The following GMDS variants were observed in gnomAD, a reference collection of about 807,000 sequenced individuals.
GMDS encodes GDP-mannose 4,6 dehydratase.
Under a neutral mutation model 49.9 loss-of-function variants are expected in GMDS, and 20 were observed. The ratio of observed to expected loss-of-function variants is 0.40; its 90% CI spans 0.28 to 0.58. The LOEUF (loss-of-function observed/expected upper bound fraction) is 0.58. GMDS is among the 20% of genes least tolerant of loss of function. The probability of loss-of-function intolerance (pLI) is 0.42; values close to 1 mark genes in which losing one functional copy is unlikely to be tolerated. For missense variants in GMDS, 362 were observed against 481.4 expected, an observed-to-expected ratio of 0.75 and a Z score of 2.32; for synonymous variants, 177 against 178.6, an observed-to-expected ratio of 0.99 and a Z score of 0.07.
chr6:2,107,120 T>C (rs1477684174), intron 4 of GMDS, among the ~76,000 whole-genome samples: 1 of 152,214 alleles, frequency 6.6e-6, no homozygotes, highest in Non-Finnish European at 1.5e-5. Flanking sequence ...CATAGCTTTG[T>C]GTGGTCCACT....
chr6:2,120,869 T>C (rs1189111240), intron 2 of GMDS, among the ~76,000 whole-genome samples: 1 of 152,172 alleles, frequency 6.6e-6, no homozygotes, highest in African/African-American at 2.4e-5. Flanking sequence ...TGAATCCAAC[T>C]AAAGAGCCTA....
intron 7 of GMDS, among the ~76,000 whole-genome samples, chr6:1,917,400 T>C (rs2113894753): frequency 6.6e-6 from 1 of 152,244 alleles, no homozygotes; most frequent in South Asian, 2.1e-4. Context: ...CCTTTTCCTA[T>C]GAAAATGACA....
intron 7 of GMDS, among the ~76,000 whole-genome samples, chr6:1,815,953 A>G (rs1444021777): frequency 1.3e-5 from 2 of 152,244 alleles, no homozygotes; most frequent in Non-Finnish European, 2.9e-5. Context: ...CTGGGAATAG[A>G]AAGTCTTCAT....
At chr6:1,904,345 A>T (rs1254886165) in intron 7 of GMDS, among the ~76,000 whole-genome samples, 1 of 152,124 alleles carries the variant, frequency 6.6e-6, no homozygotes, top group East Asian at 1.9e-4. Flanking sequence ...CAGGACTCTC[A>T]TTTGCATTCG....
chr6:2,141,732 T>A (rs1743438868), intron 1 of GMDS, among the ~76,000 whole-genome samples: 1 of 152,206 alleles, frequency 6.6e-6, no homozygotes, highest in African/African-American at 2.4e-5. Context: ...AGCCACATTC[T>A]AAATACAGCA....
chr6:1,873,026 G>A (rs954461775), intron 7 of GMDS, among the ~76,000 whole-genome samples: 2 of 152,154 alleles, frequency 1.3e-5, no homozygotes, highest in Non-Finnish European at 2.9e-5. Flanking sequence ...CCACTCTTTC[G>A]TCAGTCTGCG....
intron 7 of GMDS, among the ~76,000 whole-genome samples, chr6:1,924,116 C>A (rs1761870117): frequency 4.6e-5 from 7 of 152,220 alleles, no homozygotes; most frequent in Admixed American, 4.6e-4. Context: ...GCTGTCTCAG[C>A]CAGACTCTTT....
rs151210423 is a variant in GMDS at position 2,036,479 on chromosome 6, A to T, written c.346-75513T>A. On this transcript the variant is annotated intron_variant, in intron 4 of 10. Coordinates refer to ENST00000380815, the MANE Select transcript of GMDS (RefSeq NM_001500.4). ...CACCTAGTAATCAATGCTTCTTCCC[A>T]GGAAGGTCTGTCCCAGGGATCACTT... Among the ~76,000 whole-genome samples, 55 of 152,302 alleles carry T rather than the reference A, an allele frequency of 3.6e-4. No homozygotes were observed. In the East Asian group the frequency reaches 0.01, roughly 28 times the overall value.
chr6:2,074,162 T>C (rs746666000), intron 4 of GMDS, among the ~76,000 whole-genome samples: 2 of 152,314 alleles, frequency 1.3e-5, no homozygotes, highest in East Asian at 3.9e-4. Context: ...CTTTCCTCTA[T>C]ATCCTTGCCA....
intron 1 of GMDS, among the ~76,000 whole-genome samples, chr6:2,139,433 A>T (rs930170043): frequency 6.6e-6 from 1 of 152,234 alleles, no homozygotes; most frequent in South Asian, 2.1e-4. Flanking sequence ...TATATCGTGC[A>T]CTGCTTCCAT....
At chr6:1,991,380 A>C (rs896169116) in intron 4 of GMDS, among the ~76,000 whole-genome samples, 10 of 151,992 alleles carry the variant, frequency 6.6e-5, no homozygotes, top group Admixed American at 6.6e-4. Flanking sequence ...TACTCCCCAC[A>C]TCGTCACCCA....
intron 7 of GMDS, among the ~76,000 whole-genome samples, chr6:1,819,820 A>G (rs1017074484): frequency 4.7e-5 from 7 of 148,878 alleles, no homozygotes; most frequent in African/African-American, 1.7e-4. Flanking sequence ...TATGTTTCTC[A>G]TAGAGATAGA....
At chr6:2,198,921 GTCAATAAT>G (rs3839611) in intron 1 of GMDS, among the ~76,000 whole-genome samples, 27,292 of 152,042 alleles carry the variant, frequency 0.18, 2,710 homozygotes, top group Admixed American at 0.22. Context: ...CATTCATAAA[GTCAATAAT>G]TCAGGCTTGG....
chr6:1,971,446 G>A (rs1764605015), intron 4 of GMDS, among the ~76,000 whole-genome samples: 1 of 152,212 alleles, frequency 6.6e-6, no homozygotes, highest in African/African-American at 2.4e-5. Flanking sequence ...TCACAGGGTT[G>A]TTACTCCAGA....
intron 7 of GMDS, among the ~76,000 whole-genome samples, chr6:1,879,455 C>G (rs1759257435): frequency 6.6e-6 from 1 of 152,100 alleles, no homozygotes; most frequent in Non-Finnish European, 1.5e-5. Flanking sequence ...GGCCAATGAG[C>G]CAATATGGGC....
intron 7 of GMDS, among the ~76,000 whole-genome samples, chr6:1,781,578 C>T (rs1308588306): frequency 1.3e-5 from 2 of 152,148 alleles, no homozygotes; most frequent in Non-Finnish European, 2.9e-5. Context: ...GTCTCCCTGG[C>T]ACCCTCACAC....
At chr6:2,117,419 A>T (rs538141051) in intron 3 of GMDS, 50 bp downstream of exon 3, 2 of 1,062,130 alleles carry the variant, frequency 1.9e-6, no homozygotes, top group Non-Finnish European at 2.9e-6. Context: ...ACATAGGAAC[A>T]TCTGAAAACA....
At chr6:1,875,334 A>G (rs1758984243) in intron 7 of GMDS, among the ~76,000 whole-genome samples, 1 of 50,750 alleles carries the variant, frequency 2.0e-5, no homozygotes, top group South Asian at 5.1e-4. Flanking sequence ...ACACACACAC[A>G]CACACACACA....
At chr6:1,925,339 C>T (rs1328101363) in intron 7 of GMDS, among the ~76,000 whole-genome samples, 1 of 151,980 alleles carries the variant, frequency 6.6e-6, no homozygotes, top group Middle Eastern at 3.2e-3. Context: ...ATCTAGGAAG[C>T]AAGACTACAG....
Sources: allele counts gnomAD v4.1 joint callset (sites outside exome capture counted in the v4.1 genomes callset), GRCh38; gene constraint gnomAD v4.1.1; transcripts MANE v1.5; gene names NCBI Gene and HGNC (gene_info 2026-07-23, HGNC 2026-07-21).